Variants in SERTAD2 observed in about 807,000 individuals in gnomAD.
The protein encoded by SERTAD2 is SERTA domain containing 2.
SERTAD2 carries 2 observed loss-of-function variants against 15.4 expected under a neutral mutation model. The ratio of observed to expected loss-of-function variants is 0.13; its 90% CI spans 0.05 to 0.41. The LOEUF (loss-of-function observed/expected upper bound fraction) is 0.41. Among genes scored for constraint, SERTAD2 ranks in the 10% least tolerant of loss-of-function variants. The pLI, the probability that SERTAD2 is intolerant of heterozygous loss-of-function variation, is 0.99. For missense variants in SERTAD2, 333 were observed against 409.7 expected (o/e 0.81, Z 1.62); for synonymous variants, 180 against 178.0 (o/e 1.01, Z -0.09).
chr2:64,634,675 G>C lies in SERTAD2; in HGVS notation c.*1252C>G, dbSNP rs1304859318. The C allele has an allele frequency of 2.0e-5, 3 of 152,352 alleles. No individual in the cohort carries two copies. Among genetic ancestry groups the C allele is most frequent in the Admixed American group, 1.3e-4 (2 of 15,310 alleles). 9.4% of individuals were successfully genotyped at this position (152,352 alleles called of 1,614,324 possible). On this transcript the variant is annotated 3_prime_UTR_variant, in exon 2 of 2. Coordinates refer to ENST00000313349, the MANE Select transcript of SERTAD2 (RefSeq NM_014755.3). ...GCTGCAGAAGACAATTAAGCAACATGATGGATGCCTTCTGGGGAGATTTTC... is the reference window on the plus strand; with the variant it reads ...GCTGCAGAAGACAATTAAGCAACATCATGGATGCCTTCTGGGGAGATTTTC...
Position 64,636,523 on chromosome 2 carries a change from G to A in SERTAD2, c.349C>T (p.Pro117Ser). The A allele has an allele frequency of 6.2e-7, 1 of 1,604,484 alleles. No homozygotes were observed. Among genetic ancestry groups the A allele is most frequent in the African/African-American group, 1.3e-5 (1 of 74,752 alleles). ...GGCGTAGTGCTTCCGAGGTCGCAGG[G>A]GTGGGAGGACGGGGACGCCAGGTGG... ...FSHLASPSSH[P>S]CDLGSTTPLE... Residue 117 changes from proline to serine, a missense_variant, in exon 2 of 2, where the codon CCC becomes TCC. Pro to Ser is a moderately conservative substitution (Grantham distance 74). Transcript: ENST00000313349.
chr2:64,647,729 T>A (rs1360915915), intron 1 of SERTAD2, among the ~76,000 whole-genome samples: 1 of 150,210 alleles, frequency 6.7e-6, no homozygotes. Flanking sequence ...AACAGGGAAA[T>A]ATAAGGTTTT....
chr2:64,638,469 T>C (rs1674706421), intron 1 of SERTAD2, among the ~76,000 whole-genome samples: 1 of 152,210 alleles, frequency 6.6e-6, no homozygotes, highest in African/African-American at 2.4e-5. Context: ...TTTCTCATAC[T>C]TTGTCACAAA....
At position 64,636,616 on chromosome 2, in the gene SERTAD2, A is replaced by G; in HGVS notation, c.256T>C (p.Phe86Leu). ...LKQEGSLRPM[F>L]TPSSQPTTEP... The stretch of plus-strand genomic sequence containing the variant: ...GTGGTGGGCTGGGAGGAGGGGGTGA[A>G]CATGGGCCTCAGGCTGCCTTCCTGT... The change falls in exon 2 of 2, where the codon TTC (phenylalanine) becomes CTC (leucine). Residue 86 changes from phenylalanine to leucine, a missense_variant. By Grantham distance (22) the Phe-to-Leu change is conservative. Coordinates refer to ENST00000313349, the MANE Select transcript of SERTAD2 (RefSeq NM_014755.3). 1 of 1,611,914 alleles carries G rather than the reference A, an allele frequency of 6.2e-7. No homozygotes were observed. Among genetic ancestry groups the G allele is most frequent in the South Asian group, 1.1e-5 (1 of 90,918 alleles).
In SERTAD2 at chr2:64,636,253, T is replaced by C. The variant is rs1283294496; in HGVS notation, c.619A>G (p.Lys207Glu). Residue 207 changes from lysine (K) to glutamate (E), a missense_variant, in exon 2 of 2, where the codon AAA becomes GAA. Transcript: ENST00000313349. ...CGGCTCTCTTGAGGACCGTCGAGTT[T>C]CTGGGTGCCAGCCTCGCTGGAGGTC... Reference protein sequence around the residue: ...KGTSSEAGTQKLDGPQESRAD... With the variant: ...KGTSSEAGTQELDGPQESRAD... 1.2e-6 allele frequency: 2 copies of C among 1,614,170 alleles called. No individual in the cohort carries two copies. Among genetic ancestry groups the C allele is most frequent in the East Asian group, 2.2e-5 (1 of 44,886 alleles).
chr2:64,646,427 G>T (rs1305391858), intron 1 of SERTAD2: 2 of 150,992 alleles, frequency 1.3e-5, no homozygotes, highest in African/African-American at 2.4e-5. Context: ...TCACACAGAA[G>T]AAAGCTATTA....
intron 1 of SERTAD2, among the ~76,000 whole-genome samples, chr2:64,647,675 TAAA>T (rs34043900): frequency 1.4e-4 from 20 of 145,732 alleles, no homozygotes; most frequent in Admixed American, 2.0e-4. Flanking sequence ...TTTTTGTGTT[TAAA>T]AAAAAAAAAA....
chr2:64,641,879 G>A (rs540193733), intron 1 of SERTAD2, among the ~76,000 whole-genome samples: 8 of 152,308 alleles, frequency 5.3e-5, no homozygotes, highest in Admixed American at 2.0e-4. Context: ...AGGTTCACCT[G>A]GAGGCCTGAT....
intron 1 of SERTAD2, among the ~76,000 whole-genome samples, chr2:64,642,123 G>A (rs1015380239): frequency 2.0e-5 from 3 of 152,160 alleles, no homozygotes; most frequent in African/African-American, 4.8e-5. Flanking sequence ...TAATTTAGCA[G>A]GACAAAAAGG....
In SERTAD2 at chr2:64,640,582, A is replaced by T. The variant is rs137897158; in HGVS notation, c.-4-3707T>A. Among the ~76,000 whole-genome samples the T allele has an allele frequency of 3.9e-5, 6 of 152,150 alleles. No individual in the cohort carries two copies. The East Asian group carries it at 1.2e-3, about 29-fold the overall frequency. ...TTCGCTGGGCTGCAACTTGAAGATG[A>T]AGCAGTAGCAGGAGCTAAGGACGTG... is the stretch of plus-strand genomic sequence containing the variant. On this transcript the variant is annotated intron_variant, in intron 1 of 1. Transcript: ENST00000313349.
rs1364108794 is a variant in SERTAD2 at position 64,632,153 on chromosome 2, C to A, written c.*3774G>T. On this transcript the variant is annotated 3_prime_UTR_variant, in exon 2 of 2. Transcript: ENST00000313349. Reference sequence around the variant, plus strand: ...TTAAATATACTCTTTTCATTGTTTTCAGAAAATGTATAAAGGTCCAATTTG... The same window carrying A: ...TTAAATATACTCTTTTCATTGTTTTAAGAAAATGTATAAAGGTCCAATTTG... 6.6e-6 allele frequency: 1 copy of A among 151,766 alleles called. No homozygotes were observed. The highest frequency in any genetic ancestry group is 1.5e-5 in the Non-Finnish European group (1 of 67,922). 9.4% of individuals were successfully genotyped at this position (151,766 alleles called of 1,614,324 possible).
chr2:64,646,311 C>T (rs1034591480), intron 1 of SERTAD2: 56 of 152,200 alleles, frequency 3.7e-4, no homozygotes, highest in Non-Finnish European at 5.9e-4. Context: ...AACCACAGCA[C>T]GCCAATACAT....
chr2:64,643,424 C>T (rs1350473395), intron 1 of SERTAD2, among the ~76,000 whole-genome samples: 1 of 152,216 alleles, frequency 6.6e-6, no homozygotes, highest in Non-Finnish European at 1.5e-5. Flanking sequence ...GAGAGCACAG[C>T]TGGGGCCTGC....
intron 1 of SERTAD2, among the ~76,000 whole-genome samples, chr2:64,637,149 G>A (rs1229492380): frequency 2.6e-5 from 4 of 152,186 alleles, no homozygotes; most frequent in Non-Finnish European, 5.9e-5. Flanking sequence ...ACACAGACAA[G>A]TTAAGAATTA....
chr2:64,640,178 T>C (rs1325187215), intron 1 of SERTAD2, among the ~76,000 whole-genome samples: 20 of 152,148 alleles, frequency 1.3e-4, no homozygotes, highest in Admixed American at 1.3e-3. Flanking sequence ...TGCAACATAA[T>C]AAAAAGTGAA....
intron 1 of SERTAD2, among the ~76,000 whole-genome samples, 173 bp downstream of exon 1, chr2:64,653,447 G>C (rs1277064341): frequency 6.6e-6 from 1 of 151,844 alleles, no homozygotes; most frequent in Admixed American, 6.6e-5. Flanking sequence ...CCGCGGGAGG[G>C]AGCGCTCCTC....
chr2:64,641,577 G>T (rs551059922), intron 1 of SERTAD2, among the ~76,000 whole-genome samples: 3 of 152,068 alleles, frequency 2.0e-5, no homozygotes, highest in African/African-American at 7.2e-5. Context: ...CTGAATACAC[G>T]AACAGTAAGT....
chr2:64,649,292 A>G (rs540360215), intron 1 of SERTAD2, among the ~76,000 whole-genome samples: 2 of 152,360 alleles, frequency 1.3e-5, no homozygotes, highest in East Asian at 3.9e-4. Flanking sequence ...GCGTGGAATG[A>G]TAAGCAGCCG....
At position 64,635,027 on chromosome 2, in the gene SERTAD2, A is replaced by G. The variant is rs1674626781; in HGVS notation, c.*900T>C. ...GAGCACATGTGGCTCTGGCTTTGGA[A>G]GTCACAGTACTGGCGGGTGTTGGTG... On this transcript the variant is annotated 3_prime_UTR_variant, in exon 2 of 2. Transcript: ENST00000313349. 6.6e-6 allele frequency: 1 copy of G among 152,660 alleles called. No individual in the cohort carries two copies. 9.5% of individuals were successfully genotyped at this position (152,660 alleles called of 1,614,324 possible).
Sources: gnomAD v4.1 joint callset for allele counts (sites outside exome capture counted in the v4.1 genomes callset) on GRCh38, gnomAD v4.1.1 for gene constraint, MANE v1.5 for transcripts, NCBI Gene and HGNC (gene_info 2026-07-23, HGNC 2026-07-21) for gene names.